Variants in KLHL7 observed in about 807,000 individuals in gnomAD.
KLHL7 encodes kelch-like protein 7.
In KLHL7, 44 loss-of-function variants were observed where a neutral mutation model predicts 67.4. The ratio of observed to expected loss-of-function variants is 0.65; its 90% confidence interval spans 0.51 to 0.84. The LOEUF (loss-of-function observed/expected upper bound fraction) is 0.84, where lower values mean the gene tolerates loss of function less well. KLHL7 is among the 40% of genes least tolerant of loss of function. The pLI is 0.00. For synonymous variants in KLHL7, 252 were observed against 243.3 expected, an observed-to-expected ratio of 1.04 and a Z score of -0.33; for missense variants, 362 against 718.1, an observed-to-expected ratio of 0.50 and a Z score of 5.67.
intron 6 of KLHL7, among the ~76,000 whole-genome samples, chr7:23,151,705 A>C (rs1784542774): frequency 6.6e-6 from 1 of 152,150 alleles, no homozygotes; most frequent in Non-Finnish European, 1.5e-5. Flanking sequence ...ATAGTTTCAG[A>C]GATTTTCTAG....
At chr7:23,145,259 CTT>C (rs1233475926) in intron 6 of KLHL7, among the ~76,000 whole-genome samples, 2 of 149,444 alleles carry the variant, frequency 1.3e-5, no homozygotes, top group African/African-American at 5.0e-5. Flanking sequence ...ATCTTTGTCT[CTT>C]GGCCTTTTTC....
chr7:23,145,285 G>A (rs1377370130), intron 6 of KLHL7, among the ~76,000 whole-genome samples: 1 of 149,990 alleles, frequency 6.7e-6, no homozygotes, highest in Non-Finnish European at 1.5e-5. Flanking sequence ...GAGAGAGCTT[G>A]ATTTTTTTCA....
intron 1 of KLHL7, chr7:23,106,892 A>G: frequency 2.3e-6 from 2 of 856,714 alleles, no homozygotes; most frequent in Non-Finnish European, 2.8e-6. Context: ...ATAAGCATAG[A>G]AAGTCACTTT....
chr7:23,106,040 G>T lies in KLHL7; in HGVS notation c.14G>T (p.Gly5Val), dbSNP rs1057464852. The change falls in exon 1 of 11, where the codon GGG becomes GTG. Residue 5 changes from glycine (G) to valine (V), a missense_variant. Gly to Val is a moderately radical substitution (Grantham distance 109). Around this residue, in one of 5 missense-constraint regions of KLHL7, gnomAD observed 57 missense variants for 81.7 expected, o/e 0.70. Coordinates refer to ENST00000339077, the MANE Select transcript of KLHL7 (RefSeq NM_001031710.3). ...AGCTGAGGGAGGATGGCAGCCTCTG[G>T]GGTGGAGAAGAGCAGCAAGAAGAAG... MAASGVEKSSKKKTE... is the reference protein window; with the variant it reads MAASVVEKSSKKKTE... 1 of 1,610,298 alleles carries T rather than the reference G, an allele frequency of 6.2e-7. No homozygotes were observed. The highest frequency in any genetic ancestry group is 8.5e-7 in the Non-Finnish European group (1 of 1,178,834).
intron 7 of KLHL7, among the ~76,000 whole-genome samples, chr7:23,153,043 G>A (rs1784588462): frequency 6.6e-6 from 1 of 152,128 alleles, no homozygotes; most frequent in Non-Finnish European, 1.5e-5. Flanking sequence ...TGAGACCAGA[G>A]CATTATTTCA....
chr7:23,125,931 T>G, intron 4 of KLHL7: 1 of 1,262,124 alleles, frequency 7.9e-7, no homozygotes, highest in Non-Finnish European at 1.1e-6. Context: ...CAGATAGTAC[T>G]GAATCCTATA....
chr7:23,170,626 G>T (rs775103283), intron 9 of KLHL7, among the ~76,000 whole-genome samples: 14 of 152,152 alleles, frequency 9.2e-5, no homozygotes, highest in Non-Finnish European at 1.8e-4. Context: ...GGAGGCCTGG[G>T]TTCCTTCCCT....
intron 9 of KLHL7, among the ~76,000 whole-genome samples, chr7:23,168,338 C>T (rs893702988): frequency 1.3e-5 from 2 of 152,030 alleles, no homozygotes; most frequent in Admixed American, 6.5e-5. Context: ...TTTGTTTGAG[C>T]GGTCAGGAAA....
At chr7:23,130,591 T>C (rs939893049) in intron 4 of KLHL7, among the ~76,000 whole-genome samples, 5 of 152,200 alleles carry the variant, frequency 3.3e-5, no homozygotes, top group Admixed American at 3.3e-4. Context: ...CCCTCAGAAA[T>C]TGACATTGTA....
chr7:23,130,106 A>G (rs1459708393), intron 4 of KLHL7, among the ~76,000 whole-genome samples: 2 of 152,214 alleles, frequency 1.3e-5, no homozygotes, highest in African/African-American at 2.4e-5. Flanking sequence ...GTGCAATTCA[A>G]AAACATCATT....
At position 23,127,880 on chromosome 7, in the gene KLHL7, C is replaced by CA. The variant is rs200063955; in HGVS notation, c.442+2717dup. 4.8e-3 allele frequency among the ~76,000 whole-genome samples: 681 copies of CA among 140,882 alleles called. 5 individuals are homozygous for CA. Among genetic ancestry groups the CA allele is most frequent in the African/African-American group, 0.017 (627 of 37,948 alleles). The allele number at this position is 140,882 out of a possible 152,430, so 92.4% of individuals were successfully genotyped here. A position where few individuals can be genotyped will look rare whatever the true frequency, so the allele number is the denominator to read the frequency against. ...CAGTGAGACCCTGTCTTGGAAAAAA[C>CA]AAAAAAAAACAGTAGTTTGAGGAAC... On this transcript the variant is annotated intron_variant, in intron 4 of 10. Transcript: ENST00000339077.
intron 6 of KLHL7, among the ~76,000 whole-genome samples, chr7:23,146,018 C>T (rs1469233101): frequency 6.6e-6 from 1 of 152,204 alleles, no homozygotes; most frequent in African/African-American, 2.4e-5. Context: ...AGGCATGAAC[C>T]ACAGTGCCTG....
chr7:23,162,405 G>A (rs1227484300), intron 7 of KLHL7, among the ~76,000 whole-genome samples: 1 of 152,148 alleles, frequency 6.6e-6, no homozygotes, highest in African/African-American at 2.4e-5. Flanking sequence ...TAAATTAATA[G>A]TAGCTATTTG....
At chr7:23,119,987 C>G (rs78581164) in intron 1 of KLHL7, among the ~76,000 whole-genome samples, 5,825 of 151,942 alleles carry the variant, frequency 0.038, 390 homozygotes, top group African/African-American at 0.13. Context: ...GATTTGTATA[C>G]CTGGTTTGTT....
At chr7:23,153,048 A>AT (rs1167095622) in intron 7 of KLHL7, among the ~76,000 whole-genome samples, 1 of 152,198 alleles carries the variant, frequency 6.6e-6, no homozygotes, top group African/African-American at 2.4e-5. Flanking sequence ...CCAGAGCATT[A>AT]TTTCAAGCCT....
intron 7 of KLHL7, among the ~76,000 whole-genome samples, chr7:23,153,224 C>A (rs78046344): frequency 2.9e-4 from 3 of 10,452 alleles, no homozygotes; most frequent in East Asian, 1.1e-3. Flanking sequence ...CCTGAGGCGG[C>A]GGGGGGGCTA....
chr7:23,120,841 A>G (rs1203915922), intron 1 of KLHL7, among the ~76,000 whole-genome samples: 1 of 152,158 alleles, frequency 6.6e-6, no homozygotes, highest in Non-Finnish European at 1.5e-5. Flanking sequence ...GGGATTACAG[A>G]TGTAACCCAC....
rs1783538976 is a variant in KLHL7, at chr7:23,125,621, C to T, written c.442+449C>T. ...CAAGTAATCTAATTCTTAGCTACTA[C>T]ACCTTGCTGCCTCCCCACATTGTCA... On this transcript the variant is annotated intron_variant, in intron 4 of 10. Transcript: ENST00000339077. The T allele has an allele frequency of 2.0e-5, 20 of 1,009,312 alleles. No individual in the cohort carries two copies. In the South Asian group the frequency reaches 4.3e-4, roughly 22 times the overall value. The allele number at this position is 1,009,312 out of a possible 1,614,324, so 62.5% of individuals were successfully genotyped here.
chr7:23,146,670 T>TCTTC (rs1562577230), intron 6 of KLHL7, among the ~76,000 whole-genome samples: 1 of 151,936 alleles, frequency 6.6e-6, no homozygotes, highest in African/African-American at 2.4e-5. Flanking sequence ...CTTCTTCTTT[T>TCTTC]TTTTTTAATT....
Sources: allele counts gnomAD v4.1 joint callset (sites outside exome capture counted in the v4.1 genomes callset), GRCh38; gene constraint gnomAD v4.1.1; regional missense constraint gnomAD v4.1.1; transcripts MANE v1.5; gene names NCBI Gene and HGNC (gene_info 2026-07-23, HGNC 2026-07-21).